Variants in AOPEP observed in about 807,000 individuals in gnomAD.
AOPEP encodes aminopeptidase O.
AOPEP carries 77 observed loss-of-function variants against 98.1 expected under a neutral mutation model. The ratio of observed to expected loss-of-function variants is 0.78; its 90% CI spans 0.65 to 0.95. The LOEUF is 0.95. Among genes scored for constraint, AOPEP ranks in the 40% least tolerant of loss-of-function variants. AOPEP has a pLI of 0.00. For missense variants in AOPEP, 1,024 were observed against 1,024.7 expected (o/e 1.00, Z 0.01); for synonymous variants, 346 against 365.3 (o/e 0.95, Z 0.60).
intron 5 of AOPEP, among the ~76,000 whole-genome samples, chr9:94,848,616 C>T: frequency 6.6e-6 from 1 of 151,224 alleles, no homozygotes; most frequent in East Asian, 1.9e-4. Context: ...AGGGAGATTC[C>T]CACTCAAACA....
intron 5 of AOPEP, among the ~76,000 whole-genome samples, chr9:94,882,398 G>T (rs1379929357): frequency 6.8e-6 from 1 of 147,442 alleles, no homozygotes; most frequent in East Asian, 1.9e-4. Flanking sequence ...ACCAATTAAA[G>T]AACACATCTC....
At chr9:94,798,103 C>G (rs1304999439) in intron 4 of AOPEP, among the ~76,000 whole-genome samples, 1 of 152,158 alleles carries the variant, frequency 6.6e-6, no homozygotes. Context: ...TACTGAGTTG[C>G]CTGCCTTGGT....
intron 7 of AOPEP, among the ~76,000 whole-genome samples, chr9:94,937,493 C>G (rs1419013626): frequency 3.3e-5 from 5 of 152,328 alleles, no homozygotes; most frequent in Middle Eastern, 3.4e-3. Flanking sequence ...TGCCCTATCT[C>G]CAAAGACAGT....
downstream of AOPEP, among the ~76,000 whole-genome samples, chr9:95,087,606 A>C (rs1418121835): frequency 6.6e-6 from 1 of 151,716 alleles, no homozygotes; most frequent in Non-Finnish European, 1.5e-5. Flanking sequence ...TTCTCTTAGA[A>C]GCCTGAAAAC....
chr9:94,765,456 A>ATAATAATAG (rs2132614575), intron 2 of AOPEP, among the ~76,000 whole-genome samples: 1 of 146,338 alleles, frequency 6.8e-6, no homozygotes, highest in African/African-American at 2.5e-5. Context: ...AATAATAATA[A>ATAATAATAG]TAATAATAAT....
At position 95,005,175 on chromosome 9, in the gene AOPEP, T is replaced by C; in HGVS notation, c.1995T>C (p.Arg665=). ...SGIPKPLQRE[R]RAGAECGLAR... is the part of the protein sequence containing the mutation. ...CCCCGCAGCCGCTGCAGAGGGAGCG[T>C]CGCGCCGGGGCGGAGTGCGGGCTTG... The change falls in exon 12 of 17, where the codon CGT becomes CGC. Residue 665 remains arginine (R), a synonymous_variant. Coordinates refer to ENST00000375315, the MANE Select transcript of AOPEP (RefSeq NM_001193329.3). The C allele has an allele frequency of 4.3e-6, 5 of 1,152,350 alleles. No homozygotes were observed. Among genetic ancestry groups the C allele is most frequent in the Non-Finnish European group, 4.3e-6 (4 of 933,286 alleles). The allele number at this position is 1,152,350 out of a possible 1,614,324, so 71.4% of individuals were successfully genotyped here.
intron 13 of AOPEP, among the ~76,000 whole-genome samples, chr9:95,014,292 T>G (rs1203568534): frequency 3.3e-5 from 5 of 151,194 alleles, no homozygotes; most frequent in Non-Finnish European, 5.9e-5. Context: ...CATAGCGAGA[T>G]CCCATCTCTA....
intron 11 of AOPEP, among the ~76,000 whole-genome samples, chr9:94,985,151 G>T (rs1017225696): frequency 2.0e-5 from 3 of 152,274 alleles, no homozygotes; most frequent in Admixed American, 2.0e-4. Context: ...GCAGTGAGGA[G>T]GAGAGAGAAG....
intron 5 of AOPEP, among the ~76,000 whole-genome samples, chr9:94,810,401 A>G (rs1205460517): frequency 1.4e-5 from 2 of 146,670 alleles, no homozygotes; most frequent in Non-Finnish European, 3.0e-5. Flanking sequence ...TGCATACTCT[A>G]CCTCCCAGGT....
intron 11 of AOPEP, among the ~76,000 whole-genome samples, chr9:94,981,805 T>C (rs149065054): frequency 6.6e-6 from 1 of 152,214 alleles, no homozygotes; most frequent in Non-Finnish European, 1.5e-5. Context: ...TAAAAATTTC[T>C]GTCTACCAGC....
chr9:94,748,312 T>C (rs919036051), intron 1 of AOPEP, among the ~76,000 whole-genome samples: 2 of 152,218 alleles, frequency 1.3e-5, no homozygotes, highest in African/African-American at 2.4e-5. Context: ...TTTTTAGTTT[T>C]TCAGTAGTTT....
intron 5 of AOPEP, among the ~76,000 whole-genome samples, chr9:94,894,047 AT>A (rs1367828876): frequency 6.6e-6 from 1 of 152,228 alleles, no homozygotes; most frequent in East Asian, 1.9e-4. Context: ...GGGTCAAAGA[AT>A]AAATTAACCC....
intron 16 of AOPEP, among the ~76,000 whole-genome samples, chr9:95,083,625 AT>A (rs1402743656): frequency 1.3e-5 from 2 of 150,602 alleles, no homozygotes; most frequent in African/African-American, 2.5e-5. Context: ...CGCACACTGC[AT>A]GCAGCACACA....
chr9:94,754,205 A>C (rs765521823), intron 1 of AOPEP, among the ~76,000 whole-genome samples: 23 of 152,242 alleles, frequency 1.5e-4, no homozygotes, highest in Non-Finnish European at 3.2e-4. Flanking sequence ...TCACAGTAGT[A>C]AGCTATGTTC....
the AOPEP span, among the ~76,000 whole-genome samples, chr9:95,108,359 C>A: frequency 5.3e-5 from 8 of 152,246 alleles, no homozygotes; most frequent in Non-Finnish European, 1.2e-4. Context: ...ATGGTGTCTA[C>A]GGGAGCCCAA....
At chr9:95,005,739 G>A in intron 13 of AOPEP, 123 bp downstream of exon 13, 1 of 731,676 alleles carries the variant, frequency 1.4e-6, no homozygotes, top group Non-Finnish European at 2.4e-6. Flanking sequence ...ATAAACCATA[G>A]ATTTAATATA....
chr9:94,987,058 T>C (rs1173973045), intron 11 of AOPEP, among the ~76,000 whole-genome samples: 1 of 152,242 alleles, frequency 6.6e-6, no homozygotes, highest in Non-Finnish European at 1.5e-5. Context: ...ATCAGACCTC[T>C]GAGTCCAGTC....
chr9:94,822,273 G>A (rs912237019), intron 5 of AOPEP, among the ~76,000 whole-genome samples: 6 of 152,120 alleles, frequency 3.9e-5, no homozygotes, highest in Non-Finnish European at 5.9e-5. Flanking sequence ...ACAGCAGCAG[G>A]AGGGTCATTT....
the AOPEP span, among the ~76,000 whole-genome samples, chr9:95,102,703 A>G: frequency 6.6e-6 from 1 of 152,202 alleles, no homozygotes; most frequent in Non-Finnish European, 1.5e-5. Flanking sequence ...TTCTGGTTTT[A>G]CTGCCTCAGG....
Sources: allele counts gnomAD v4.1 joint callset (sites outside exome capture counted in the v4.1 genomes callset), GRCh38; gene constraint gnomAD v4.1.1; transcripts MANE v1.5; gene names NCBI Gene and HGNC (gene_info 2026-07-23, HGNC 2026-07-21).